Variants in ALG8 observed in about 807,000 individuals in gnomAD.
ALG8 encodes the protein ALG8 alpha-1,3-glucosyltransferase.
ALG8 carries 48 observed loss-of-function variants against 70.2 expected under a neutral mutation model. The observed-to-expected ratio is 0.68, with a 90% CI of 0.54 to 0.87. The LOEUF (loss-of-function observed/expected upper bound fraction) is 0.87. Ranked by LOEUF, ALG8 falls within the 40% of genes least tolerant of loss-of-function variation. ALG8 has a pLI of 0.00. For missense variants in ALG8, 572 were observed against 608.7 expected, an observed-to-expected ratio of 0.94 and a Z score of 0.64; for synonymous variants, 234 against 229.0, an observed-to-expected ratio of 1.02 and a Z score of -0.20.
intron 1 of ALG8, among the ~76,000 whole-genome samples, chr11:78,135,626 T>C (rs903384768): frequency 6.6e-6 from 1 of 151,980 alleles, no homozygotes; most frequent in Non-Finnish European, 1.5e-5. Context: ...AGAGAGCAGA[T>C]CACTTGAGGC....
Position 78,118,036 on chromosome 11 carries a change from A to G in ALG8, c.546+1146T>C, listed in dbSNP as rs1449085166. Among the ~76,000 whole-genome samples the G allele has an allele frequency of 7.4e-5, 11 of 149,500 alleles. No individual in the cohort carries two copies. The Admixed American group carries it at 7.4e-4, about 10-fold the overall frequency. ...CAGTGAGCCAAGATCGCGCCACTGC[A>G]CTCCAGCCTGGGAGACAGGGCGAGA... On this transcript the variant is annotated intron_variant, in intron 5 of 12. Transcript: ENST00000299626.
At chr11:78,129,142 C>T (rs567009725) in intron 1 of ALG8, among the ~76,000 whole-genome samples, 6 of 151,738 alleles carry the variant, frequency 4.0e-5, no homozygotes, top group South Asian at 2.1e-4. Context: ...AAAGTGGGGC[C>T]GGGCGCGGTG....
rs569150383 is a variant in ALG8, at chr11:78,111,195, T to C, written c.898+1455A>G. 2.6e-5 allele frequency among the ~76,000 whole-genome samples: 4 copies of C among 152,328 alleles called. No homozygotes were observed. The South Asian group carries it at 8.3e-4, about 32-fold the overall frequency. On this transcript the variant is annotated intron_variant, in intron 8 of 12. Coordinates refer to ENST00000299626, the MANE Select transcript of ALG8 (RefSeq NM_024079.5). ...GGAGCGTCTACCATGTGCCCAGGGCTCTGCACTTACTACTTTTAGCCCCCT... is the reference window on the plus strand; with the variant it reads ...GGAGCGTCTACCATGTGCCCAGGGCCCTGCACTTACTACTTTTAGCCCCCT...
chr11:78,104,089 G>A, intron 11 of ALG8, 37 bp from the exon 12 acceptor site: 11 of 1,296,472 alleles, frequency 8.5e-6, no homozygotes, highest in Non-Finnish European at 1.2e-5. Context: ...TAATTTAGCT[G>A]ATGACAGAAA....
At chr11:78,131,116 T>TTTAG (rs56989333) in intron 1 of ALG8, among the ~76,000 whole-genome samples, 32,983 of 151,942 alleles carry the variant, frequency 0.22, 4,390 homozygotes, top group African/African-American at 0.38. Context: ...TTTTGGGTGC[T>TTTAG]TTATTTTGTT....
intron 5 of ALG8, among the ~76,000 whole-genome samples, chr11:78,118,058 G>A (rs1590821957): frequency 7.1e-6 from 1 of 141,584 alleles, no homozygotes; most frequent in East Asian, 2.0e-4. Flanking sequence ...GAGACAGGGC[G>A]AGACTCCGTC....
chr11:78,136,364 TA>T (rs1377960819), intron 1 of ALG8, among the ~76,000 whole-genome samples: 4 of 147,694 alleles, frequency 2.7e-5, no homozygotes, highest in Non-Finnish European at 6.0e-5. Context: ...GACAGACAGA[TA>T]ATAGAGAGAG....
intron 1 of ALG8, among the ~76,000 whole-genome samples, chr11:78,135,677 A>G (rs1861513004): frequency 6.6e-6 from 1 of 152,014 alleles, no homozygotes; most frequent in African/African-American, 2.4e-5. Flanking sequence ...GCAAAACCCC[A>G]TCTCTACTAA....
chr11:78,135,681 C>G (rs780906749), intron 1 of ALG8, among the ~76,000 whole-genome samples: 1 of 151,954 alleles, frequency 6.6e-6, no homozygotes, highest in Non-Finnish European at 1.5e-5. Flanking sequence ...AACCCCATCT[C>G]TACTAAAAAT....
chr11:78,110,305 C>A (rs1294702762), intron 8 of ALG8, among the ~76,000 whole-genome samples: 2 of 152,278 alleles, frequency 1.3e-5, no homozygotes, highest in East Asian at 3.9e-4. Context: ...GATTCTCCTG[C>A]CTCAGCCTCC....
intron 4 of ALG8, among the ~76,000 whole-genome samples, chr11:78,120,258 C>A (rs1390250076): frequency 6.6e-6 from 1 of 152,096 alleles, no homozygotes; most frequent in Admixed American, 6.6e-5. Context: ...ACCTTAAAGG[C>A]CCCGCAGCTC....
intron 1 of ALG8, among the ~76,000 whole-genome samples, chr11:78,129,871 G>C (rs1021870953): frequency 1.1e-4 from 15 of 142,226 alleles, no homozygotes; most frequent in African/African-American, 4.3e-4. Flanking sequence ...AAAAGTTTGA[G>C]AACCATGCTA....
At chr11:78,115,380 A>G (rs1478238948) in intron 5 of ALG8, among the ~76,000 whole-genome samples, 1 of 151,634 alleles carries the variant, frequency 6.6e-6, no homozygotes, top group Non-Finnish European at 1.5e-5. Context: ...TAGGCAAGTG[A>G]TTCCAGCTAG....
chr11:78,104,585 A>G (rs1246281229), intron 10 of ALG8, 132 bp from the exon 11 acceptor site: 2 of 793,146 alleles, frequency 2.5e-6, no homozygotes, highest in African/African-American at 1.7e-5. Context: ...CACAAGTTCA[A>G]TTTAGTTGAG....
At chr11:78,115,354 C>G (rs1319473326) in intron 5 of ALG8, among the ~76,000 whole-genome samples, 1 of 151,620 alleles carries the variant, frequency 6.6e-6, no homozygotes, top group Non-Finnish European at 1.5e-5. Flanking sequence ...ATTCTATAAC[C>G]AGTATAAGGA....
chr11:78,109,001 C>T (rs1423323700), intron 9 of ALG8, among the ~76,000 whole-genome samples: 7 of 152,278 alleles, frequency 4.6e-5, no homozygotes, highest in Admixed American at 2.0e-4. Context: ...CTCAAAAAGC[C>T]TTTGTCGACT....
At chr11:78,105,094 A>ATAGC (rs1859956586) in intron 10 of ALG8, among the ~76,000 whole-genome samples, 1 of 152,164 alleles carries the variant, frequency 6.6e-6, no homozygotes, top group Non-Finnish European at 1.5e-5. Context: ...TTCCAACCCT[A>ATAGC]TAGCTCATCT....
intron 5 of ALG8, among the ~76,000 whole-genome samples, chr11:78,116,131 G>T (rs1236641285): frequency 2.0e-5 from 3 of 152,000 alleles, no homozygotes; most frequent in African/African-American, 7.2e-5. Context: ...AGACCGAGGC[G>T]GGTGGATCAC....
intron 1 of ALG8, among the ~76,000 whole-genome samples, chr11:78,129,366 G>C (rs1016697251): frequency 1.3e-5 from 2 of 151,124 alleles, no homozygotes; most frequent in African/African-American, 4.9e-5. Flanking sequence ...CTTGCAGTGA[G>C]CTGAGATCGC....
Sources: allele counts gnomAD v4.1 joint callset (sites outside exome capture counted in the v4.1 genomes callset), GRCh38; gene constraint gnomAD v4.1.1; transcripts MANE v1.5; gene names NCBI Gene and HGNC (gene_info 2026-07-23, HGNC 2026-07-21).